The following S100Z variants were observed in gnomAD, a reference collection of about 807,000 sequenced individuals.
S100Z encodes protein S100-Z.
S100Z carries 11 observed loss-of-function variants against 8.5 expected under a neutral mutation model. That is an observed-to-expected ratio of 1.30 (90% confidence interval 0.82 to 2.15). The LOEUF is 2.15. Among genes scored for constraint, S100Z ranks in the 30% most tolerant of loss-of-function variants. The probability of loss-of-function intolerance (pLI) is 0.00; values close to 1 mark genes in which losing one functional copy is unlikely to be tolerated. For missense variants in S100Z, 126 were observed against 117.9 expected (o/e 1.07, Z -0.32); for synonymous variants, 34 against 43.8 (o/e 0.78, Z 0.89).
chr5:76,950,877 G>A, the S100Z span, among the ~76,000 whole-genome samples: 1 of 152,000 alleles, frequency 6.6e-6, no homozygotes, highest in African/African-American at 2.4e-5. Flanking sequence ...TTTTTCTTCG[G>A]CCTAATCCAA....
At chr5:76,935,195 T>C in the S100Z span, among the ~76,000 whole-genome samples, 1 of 152,204 alleles carries the variant, frequency 6.6e-6, no homozygotes, top group East Asian at 1.9e-4. Context: ...TCATATTTAA[T>C]GTGGGACTAA....
Position 76,865,237 on chromosome 5 carries a change from GCT to G in S100Z, c.-175-4926_-175-4925del, listed in dbSNP as rs1491508762. On this transcript the variant is annotated intron_variant, in intron 1 of 4. Transcript: ENST00000317593. The stretch of plus-strand genomic sequence containing the variant: ...GGCTAATGTGTGTGTTTGTGTCCTA[GCT>G]CTTTTTTTTTTTTTTTTTTTTTGAG... Among the ~76,000 whole-genome samples the G allele has an allele frequency of 1.9e-3, 233 of 123,064 alleles. 2 individuals carry two copies. Among genetic ancestry groups the G allele is most frequent in the African/African-American group, 4.8e-3 (147 of 30,512 alleles). The allele number at this position is 123,064 out of a possible 152,430, so 80.7% of individuals were successfully genotyped here.
chr5:76,870,111 C>T (rs941152689), intron 1 of S100Z, 55 bp from the exon 2 acceptor site: 5 of 151,924 alleles, frequency 3.3e-5, no homozygotes, highest in Non-Finnish European at 7.4e-5. Context: ...GCTTAGGTCC[C>T]GTGAGATAAA....
the S100Z span, among the ~76,000 whole-genome samples, chr5:76,927,253 A>G: frequency 6.6e-6 from 1 of 152,062 alleles, no homozygotes; most frequent in African/African-American, 2.4e-5. Flanking sequence ...CCTCACACTG[A>G]CCTATGCTTT....
rs1337482801 is a variant in S100Z, at chr5:76,903,083, G to A, written c.*3-17634G>A. ...TGCCAGTGATCCCAGCTACTCAGGA[G>A]GCTGAGGCAGGGAGAATTGCTTGAA... is the stretch of plus-strand genomic sequence containing the variant. On this transcript the variant is annotated intron_variant, in intron 4 of 4. Coordinates refer to ENST00000317593, the MANE Select transcript of S100Z (RefSeq NM_130772.4). Among the ~76,000 whole-genome samples the A allele has an allele frequency of 2.0e-5, 3 of 152,330 alleles. No homozygotes were observed. The East Asian group carries it at 5.8e-4, about 29-fold the overall frequency.
intron 4 of S100Z, among the ~76,000 whole-genome samples, chr5:76,911,698 T>G (rs1054629094): frequency 6.6e-6 from 1 of 152,218 alleles, no homozygotes; most frequent in Non-Finnish European, 1.5e-5. Flanking sequence ...TCTTGAACTT[T>G]CTAGCTAATC....
intron 4 of S100Z, among the ~76,000 whole-genome samples, chr5:76,917,969 A>G (rs970207810): frequency 2.6e-5 from 4 of 152,218 alleles, no homozygotes; most frequent in Non-Finnish European, 4.4e-5. Flanking sequence ...ATAGTTCTAC[A>G]ATGACAATCT....
chr5:76,949,325 C>G, the S100Z span, among the ~76,000 whole-genome samples: 1 of 151,956 alleles, frequency 6.6e-6, no homozygotes, highest in Non-Finnish European at 1.5e-5. Context: ...GGAGGCAGAG[C>G]TTGCAGTGAG....
At chr5:76,855,931 C>G (rs1324976889) in intron 1 of S100Z, among the ~76,000 whole-genome samples, 1 of 152,110 alleles carries the variant, frequency 6.6e-6, no homozygotes. Flanking sequence ...GGGTGGAGTT[C>G]TCATGAATGG....
intron 4 of S100Z, among the ~76,000 whole-genome samples, chr5:76,911,947 T>C (rs1322959704): frequency 6.6e-6 from 1 of 152,182 alleles, no homozygotes; most frequent in Non-Finnish European, 1.5e-5. Context: ...CTTCTCTTTA[T>C]ACATCACAGA....
intron 4 of S100Z, among the ~76,000 whole-genome samples, chr5:76,902,418 T>G (rs1295144929): frequency 6.6e-6 from 1 of 152,224 alleles, no homozygotes; most frequent in African/African-American, 2.4e-5. Flanking sequence ...AGTTCAATGC[T>G]TCACAATTGC....
At chr5:76,898,192 C>T (rs1295906305) in intron 4 of S100Z, among the ~76,000 whole-genome samples, 1 of 151,744 alleles carries the variant, frequency 6.6e-6, no homozygotes, top group Non-Finnish European at 1.5e-5. Context: ...CTCTTGTTGC[C>T]CAGGCTGGCA....
At chr5:76,948,295 C>A in the S100Z span, among the ~76,000 whole-genome samples, 8 of 150,144 alleles carry the variant, frequency 5.3e-5, no homozygotes, top group Non-Finnish European at 7.4e-5. Context: ...CACAGCACTC[C>A]AGCCTGGGAA....
At chr5:76,890,558 G>T (rs1394495923) in intron 4 of S100Z, among the ~76,000 whole-genome samples, 1 of 152,178 alleles carries the variant, frequency 6.6e-6, no homozygotes, top group Non-Finnish European at 1.5e-5. Flanking sequence ...TCTGAGGCTG[G>T]ATGATTGCTT....
chr5:76,920,457 C>T (rs1469193415), intron 4 of S100Z, among the ~76,000 whole-genome samples: 1 of 152,146 alleles, frequency 6.6e-6, no homozygotes, highest in Non-Finnish European at 1.5e-5. Flanking sequence ...TCATGCATAG[C>T]ATAATGGTAT....
the S100Z span, among the ~76,000 whole-genome samples, chr5:76,935,062 C>T: frequency 6.6e-6 from 1 of 152,048 alleles, no homozygotes; most frequent in South Asian, 2.1e-4. Context: ...GTATGAAAAA[C>T]AAACTAGCTT....
intron 4 of S100Z, among the ~76,000 whole-genome samples, chr5:76,916,125 C>A (rs1391189371): frequency 6.9e-6 from 1 of 145,962 alleles, no homozygotes; most frequent in African/African-American, 2.6e-5. Context: ...TGTGCCACTG[C>A]ACTCCAGCCT....
chr5:76,887,805 AT>A (rs1340339899), intron 4 of S100Z, among the ~76,000 whole-genome samples: 5 of 152,156 alleles, frequency 3.3e-5, no homozygotes, highest in East Asian at 1.9e-4. Flanking sequence ...AAGACCTGCC[AT>A]TTTTTTCCCC....
chr5:76,932,510 C>T, the S100Z span, among the ~76,000 whole-genome samples: 27 of 152,276 alleles, frequency 1.8e-4, no homozygotes, highest in East Asian at 2.1e-3. Flanking sequence ...CCCGTTACCA[C>T]GCCCAGCTTA....
Sources: gnomAD v4.1 joint callset for allele counts (sites outside exome capture counted in the v4.1 genomes callset) on GRCh38, gnomAD v4.1.1 for gene constraint, MANE v1.5 for transcripts, NCBI Gene and HGNC (gene_info 2026-07-23, HGNC 2026-07-21) for gene names.